CYP7A1: variants seen among roughly 807,000 people sequenced by gnomAD.
CYP7A1 encodes cytochrome P450 7A1.
CYP7A1 carries 28 observed loss-of-function variants against 43.8 expected under a neutral mutation model. The ratio of observed to expected loss-of-function variants is 0.64; its 90% CI spans 0.47 to 0.88. The LOEUF (loss-of-function observed/expected upper bound fraction) is 0.88. Among genes scored for constraint, CYP7A1 ranks in the 40% least tolerant of loss-of-function variants. The probability of loss-of-function intolerance (pLI) is 0.00; values close to 1 mark genes in which losing one functional copy is unlikely to be tolerated. For missense variants in CYP7A1, 637 were observed against 611.9 expected (o/e 1.04, Z -0.43); for synonymous variants, 227 against 222.5 (o/e 1.02, Z -0.18).
intron 1 of CYP7A1, among the ~76,000 whole-genome samples, chr8:58,499,112 T>G (rs527520201): frequency 6.6e-6 from 1 of 152,346 alleles, no homozygotes; most frequent in South Asian, 2.1e-4. Context: ...TATTAGAACA[T>G]GTAAACTTAT....
At chr8:58,499,404 C>A (rs1419623829) in intron 1 of CYP7A1, among the ~76,000 whole-genome samples, 3 of 152,126 alleles carry the variant, frequency 2.0e-5, no homozygotes, top group Non-Finnish European at 4.4e-5. Flanking sequence ...CTGGATCTGA[C>A]TGTATTTGTT....
chr8:58,492,567 A>C, intron 4 of CYP7A1, 39 bp from the exon 5 acceptor site: 1 of 1,543,386 alleles, frequency 6.5e-7, no homozygotes, highest in Non-Finnish European at 8.9e-7. Context: ...AAAATGAAAG[A>C]AGGAAGGGAG....
At chr8:58,495,508 G>A (rs1328330157) in intron 3 of CYP7A1, among the ~76,000 whole-genome samples, 8 of 152,260 alleles carry the variant, frequency 5.3e-5, no homozygotes, top group Middle Eastern at 3.4e-3. Context: ...GATTACAGGC[G>A]TGAGCCATTG....
At chr8:58,492,240 G>T (rs941525413) in intron 5 of CYP7A1, 113 bp downstream of exon 5, 1 of 1,021,390 alleles carries the variant, frequency 9.8e-7, no homozygotes, top group South Asian at 1.3e-5. Flanking sequence ...CAATTAAGCA[G>T]ACAATTCCTG....
chr8:58,492,330 AAT>A, intron 5 of CYP7A1, 21 bp downstream of exon 5: 1 of 1,592,270 alleles, frequency 6.3e-7, no homozygotes, highest in Non-Finnish European at 8.6e-7. Flanking sequence ...CTGGATATTG[AAT>A]TTCAATGGGC....
intron 3 of CYP7A1, 119 bp from the exon 4 acceptor site, chr8:58,494,755 GA>G: frequency 3.2e-6 from 3 of 937,902 alleles, no homozygotes; most frequent in Non-Finnish European, 3.4e-6. Context: ...GATACCAGGG[GA>G]GGAGGGAAAG....
At chr8:58,491,801 C>A (rs768038818) in intron 5 of CYP7A1, 27 bp from the exon 6 acceptor site, 1 of 1,591,632 alleles carries the variant, frequency 6.3e-7, no homozygotes, top group Admixed American at 1.7e-5. Flanking sequence ...AAGAAAACCG[C>A]CTTTAAGCTA....
chr8:58,499,815 A>T (rs907700768), intron 1 of CYP7A1, among the ~76,000 whole-genome samples: 10 of 152,150 alleles, frequency 6.6e-5, no homozygotes, highest in Non-Finnish European at 1.3e-4. Flanking sequence ...TGCCAATACT[A>T]AAAAGGGAAG....
chr8:58,492,021 G>A (rs1013136103), intron 5 of CYP7A1, among the ~76,000 whole-genome samples: 1 of 152,036 alleles, frequency 6.6e-6, no homozygotes, highest in African/African-American at 2.4e-5. Flanking sequence ...GAGAGAGAAG[G>A]GTTCCCAGAA....
At chr8:58,493,591 C>T (rs769596495) in intron 4 of CYP7A1, among the ~76,000 whole-genome samples, 1 of 152,080 alleles carries the variant, frequency 6.6e-6, no homozygotes, top group Non-Finnish European at 1.5e-5. Flanking sequence ...AAGTAAGGCC[C>T]CCAAAAGAGT....
chr8:58,499,297 G>T (rs948958096), intron 1 of CYP7A1, among the ~76,000 whole-genome samples: 1 of 152,154 alleles, frequency 6.6e-6, no homozygotes, highest in Non-Finnish European at 1.5e-5. Context: ...GATGGTTAGG[G>T]TTATTTTCTC....
rs750214616 is a variant in CYP7A1, at chr8:58,498,233, G to T, written c.317C>A (p.Ala106Glu). ...DWKKFHFATS[A>E]KAFGHRSIDP... ...TATAAATGTAAAACTGCTTACCTTC[G>T]CAGAAGTAGCAAAGTGAAATTTTTT... The change falls in exon 2 of 6, where the codon GCG becomes GAG. Residue 106 changes from alanine to glutamate, a missense_variant. Physicochemically the swap from Ala to Glu is moderately radical, Grantham distance 107. Transcript: ENST00000301645. 7 of 1,613,876 alleles carry T rather than the reference G, an allele frequency of 4.3e-6. No homozygotes were observed. In the Admixed American group the frequency reaches 1.2e-4, roughly 27 times the overall value.
intron 4 of CYP7A1, among the ~76,000 whole-genome samples, 161 bp downstream of exon 4, chr8:58,494,345 C>T (rs1392152968): frequency 6.6e-6 from 1 of 152,140 alleles, no homozygotes; most frequent in Non-Finnish European, 1.5e-5. Flanking sequence ...TAAATAGTAA[C>T]AGTCCCAAGT....
At position 58,497,259 on chromosome 8, in the gene CYP7A1, C is replaced by T. The variant is rs574367449; in HGVS notation, c.322-69G>A. 5.1e-5 allele frequency: 65 copies of T among 1,272,362 alleles called. 1 individual carries two copies. The highest frequency in any genetic ancestry group is 2.3e-4 in the East Asian group (10 of 43,230). The allele number at this position is 1,272,362 out of a possible 1,614,324, so 78.8% of individuals were successfully genotyped here. On this transcript the variant is annotated intron_variant, in intron 2 of 5. Coordinates refer to ENST00000301645, the MANE Select transcript of CYP7A1 (RefSeq NM_000780.4). Reference sequence around the variant, plus strand: ...CTAGTCATAGTAAATGACTGAAAAACGGATTAGATACTTTCATAGTTCCTT... The same window carrying T: ...CTAGTCATAGTAAATGACTGAAAAATGGATTAGATACTTTCATAGTTCCTT...
chr8:58,492,673 G>A (rs1809370660), intron 4 of CYP7A1, 145 bp from the exon 5 acceptor site: 3 of 673,550 alleles, frequency 4.5e-6, no homozygotes, highest in Non-Finnish European at 5.1e-6. Context: ...AGATGAACAG[G>A]GTATGGGAAG....
At position 58,500,134 on chromosome 8, in the gene CYP7A1, A is replaced by G; in HGVS notation, c.-36T>C. On this transcript the variant is annotated 5_prime_UTR_variant, in exon 1 of 6. Transcript: ENST00000301645. ...TAGGCCAAAATCTCTGAGGAAGAAA[A>G]TCTCTGATTAGAAAGGGAAGGATGC... 6.5e-7 allele frequency: 1 copy of G among 1,535,206 alleles called. No individual in the cohort carries two copies. The highest frequency in any genetic ancestry group is 9.0e-7 in the Non-Finnish European group (1 of 1,108,438).
Position 58,491,712 on chromosome 8 carries a change from A to C in CYP7A1, c.1278T>G (p.Asn426Lys), listed in dbSNP as rs776760317. Residue 426 changes from asparagine to lysine, a missense_variant, in exon 6 of 6, where the codon AAT becomes AAG. Transcript: ENST00000301645. ...TGTAGTAATACTTTAACTTGAGTCC[A>C]TTACAATAGAAGGTAGTCTTTGTCT... The part of the protein sequence containing the change: ...NGKTKTTFYC[N>K]GLKLKYYYMP... The C allele has an allele frequency of 6.2e-7, 1 of 1,613,570 alleles. No individual in the cohort carries two copies. Among genetic ancestry groups the C allele is most frequent in the East Asian group, 2.2e-5 (1 of 44,884 alleles).
At chr8:58,491,823 A>G (rs934988142) in intron 5 of CYP7A1, 49 bp from the exon 6 acceptor site, 30 of 1,490,640 alleles carry the variant, frequency 2.0e-5, no homozygotes, top group Non-Finnish European at 2.5e-5. Flanking sequence ...TTTTAAAGAA[A>G]TTTATCTCTT....
chr8:58,496,717 G>A lies in CYP7A1; in HGVS notation c.795C>T (p.Asp265=). The A allele has an allele frequency of 1.2e-6, 2 of 1,614,192 alleles. No individual in the cohort carries two copies. Among genetic ancestry groups the A allele is most frequent in the Non-Finnish European group, 1.7e-6 (2 of 1,180,024 alleles). ...CCAGATCATCAAAGGTGGACAAAGTGTCATTGAGAAACATGCGCAGGCTGA... is the reference window on the plus strand; with the variant it reads ...CCAGATCATCAAAGGTGGACAAAGTATCATTGAGAAACATGCGCAGGCTGA... ...ELISLRMFLN[D]TLSTFDDLEK... Residue 265 remains aspartate, a synonymous_variant, in exon 3 of 6, where the codon GAC becomes GAT. Transcript: ENST00000301645.
Sources: allele counts gnomAD v4.1 joint callset (sites outside exome capture counted in the v4.1 genomes callset), GRCh38; gene constraint gnomAD v4.1.1; transcripts MANE v1.5; gene names NCBI Gene and HGNC (gene_info 2026-07-23, HGNC 2026-07-21).